Variants in SEZ6L observed in about 807,000 individuals in gnomAD.
SEZ6L encodes the protein seizure related 6 homolog like, also known as seizure 6-like protein.
In SEZ6L, 37 loss-of-function variants were observed where a neutral mutation model predicts 106.2. The ratio of observed to expected loss-of-function variants is 0.35; its 90% confidence interval spans 0.27 to 0.46. The LOEUF (loss-of-function observed/expected upper bound fraction) is 0.46. Ranked by LOEUF, SEZ6L falls within the 20% of genes least tolerant of loss-of-function variation. The pLI is 1.00. For missense variants in SEZ6L, 1,172 were observed against 1,332.8 expected (o/e 0.88, Z 1.88); for synonymous variants, 541 against 570.4 (o/e 0.95, Z 0.73).
At chr22:26,312,113 C>A in intron 8 of SEZ6L, 151 bp downstream of exon 8, 1 of 776,984 alleles carries the variant, frequency 1.3e-6, no homozygotes, top group Non-Finnish European at 2.0e-6. Flanking sequence ...TCCTTTGGTT[C>A]AGGGTTGCTG....
At chr22:26,310,522 GT>G (rs2081787745) in intron 6 of SEZ6L, 147 bp from the exon 7 acceptor site, 2 of 846,086 alleles carry the variant, frequency 2.4e-6, no homozygotes, top group Non-Finnish European at 1.8e-6. Flanking sequence ...GGCAACAAGA[GT>G]GAAACTCTGT....
At chr22:26,231,726 C>T (rs1040934159) in intron 1 of SEZ6L, among the ~76,000 whole-genome samples, 5 of 152,352 alleles carry the variant, frequency 3.3e-5, no homozygotes, top group South Asian at 2.1e-4. Flanking sequence ...CATCTGGCTC[C>T]GCAACTTGGC....
intron 1 of SEZ6L, among the ~76,000 whole-genome samples, chr22:26,202,724 T>G (rs187643041): frequency 3.3e-5 from 5 of 152,298 alleles, no homozygotes. Flanking sequence ...GGTCTGCTAT[T>G]CAATCACAAC....
At chr22:26,257,369 T>C (rs887872570) in intron 1 of SEZ6L, among the ~76,000 whole-genome samples, 2 of 152,192 alleles carry the variant, frequency 1.3e-5, no homozygotes, top group Admixed American at 6.5e-5. Context: ...ATTTAACTTC[T>C]CATTTTACAG....
chr22:26,327,626 A>G (rs561997298), intron 9 of SEZ6L, among the ~76,000 whole-genome samples: 32 of 141,016 alleles, frequency 2.3e-4, no homozygotes, highest in African/African-American at 6.9e-4. Context: ...ATGACACTAA[A>G]CACACACCAC....
chr22:26,269,055 A>C (rs934602249), intron 1 of SEZ6L, among the ~76,000 whole-genome samples: 1 of 152,198 alleles, frequency 6.6e-6, no homozygotes, highest in Non-Finnish European at 1.5e-5. Context: ...TGCACTTGAC[A>C]TGAAAAGGTG....
chr22:26,361,516 AAAAAAT>A (rs1372927251), intron 12 of SEZ6L, among the ~76,000 whole-genome samples: 8 of 136,908 alleles, frequency 5.8e-5, no homozygotes, highest in African/African-American at 2.1e-4. Context: ...CAAAAAAAAA[AAAAAAT>A]ATATATATAT....
chr22:26,279,716 T>C (rs1341964565), intron 1 of SEZ6L, among the ~76,000 whole-genome samples: 1 of 152,174 alleles, frequency 6.6e-6, no homozygotes, highest in Non-Finnish European at 1.5e-5. Context: ...TTCAGAATTA[T>C]AGAACTTCTG....
At chr22:26,343,481 G>A (rs2082910825) in intron 10 of SEZ6L, among the ~76,000 whole-genome samples, 1 of 152,110 alleles carries the variant, frequency 6.6e-6, no homozygotes, top group Admixed American at 6.6e-5. Flanking sequence ...CTTACAGTTG[G>A]CAAGCACTTT....
At chr22:26,352,887 G>A (rs997095814) in intron 12 of SEZ6L, among the ~76,000 whole-genome samples, 3 of 152,144 alleles carry the variant, frequency 2.0e-5, no homozygotes, top group African/African-American at 4.8e-5. Context: ...CCAAGTTCCC[G>A]TGTGCTAGTT....
At chr22:26,258,368 C>T (rs1473606603) in intron 1 of SEZ6L, among the ~76,000 whole-genome samples, 1 of 152,180 alleles carries the variant, frequency 6.6e-6, no homozygotes, top group East Asian at 1.9e-4. Flanking sequence ...AGGGAGTCAT[C>T]ACCCCAGCTG....
chr22:26,348,646 A>AAGAAAAAGAAAG (rs1556371589), intron 11 of SEZ6L, among the ~76,000 whole-genome samples: 16 of 7,684 alleles, frequency 2.1e-3, no homozygotes, highest in East Asian at 0.01. Context: ...GAAAGAAAGA[A>AAGAAAAAGAAAG]AAAGAAAGAA....
chr22:26,344,604 C>A (rs964291264), intron 10 of SEZ6L, among the ~76,000 whole-genome samples: 4 of 152,168 alleles, frequency 2.6e-5, no homozygotes, highest in Non-Finnish European at 2.9e-5. Context: ...TGCATTTGTG[C>A]ATTTCTTTTG....
At chr22:26,348,751 A>G (rs1317158820) in intron 11 of SEZ6L, among the ~76,000 whole-genome samples, 1 of 28,488 alleles carries the variant, frequency 3.5e-5, no homozygotes, top group Non-Finnish European at 6.3e-5. Context: ...AGAAGGGAGG[A>G]AGGGAGGGGG....
intron 1 of SEZ6L, among the ~76,000 whole-genome samples, chr22:26,284,632 A>AAAC (rs2080878039): frequency 2.1e-5 from 3 of 146,192 alleles, no homozygotes; most frequent in Non-Finnish European, 4.5e-5. Flanking sequence ...AAAAAAAAAA[A>AAAC]CCCTAATGAC....
chr22:26,281,779 T>TCCTTAATC (rs1341215412), intron 1 of SEZ6L, among the ~76,000 whole-genome samples: 1 of 152,136 alleles, frequency 6.6e-6, no homozygotes, highest in East Asian at 1.9e-4. Flanking sequence ...GACCAACATC[T>TCCTTAATC]CCTTAATCCT....
In SEZ6L at chr22:26,292,543, G is replaced by C. The variant is rs1262839983; in HGVS notation, c.232G>C (p.Glu78Gln). The C allele has an allele frequency of 6.2e-7, 1 of 1,613,752 alleles. No individual in the cohort carries two copies. The highest frequency in any genetic ancestry group is 1.3e-5 in the African/African-American group (1 of 74,912). The change falls in exon 2 of 17, where the codon GAA (glutamate) becomes CAA (glutamine). Residue 78 changes from glutamate (E) to glutamine (Q), a missense_variant. By Grantham distance (29) the Glu-to-Gln change is conservative (BLOSUM62 2). Transcript: ENST00000248933. ...GCCCCCCAGTTCCTCACAGTCGGCG[G>C]AAGTGCTGGGCGAGCTGGTGCTGGA... ...TAPPSSSQSA[E>Q]VLGELVLDGT...
chr22:26,328,176 T>C (rs1231959253), intron 9 of SEZ6L, among the ~76,000 whole-genome samples: 5 of 152,106 alleles, frequency 3.3e-5, no homozygotes, highest in African/African-American at 7.2e-5. Flanking sequence ...GAGACCCGGG[T>C]TGGGAAGCCT....
intron 1 of SEZ6L, among the ~76,000 whole-genome samples, chr22:26,265,199 G>A (rs2080136878): frequency 6.6e-6 from 1 of 152,038 alleles, no homozygotes; most frequent in Non-Finnish European, 1.5e-5. Flanking sequence ...GGCATAGCTG[G>A]GGCAAGTTTC....
Sources: gnomAD v4.1 joint callset for allele counts (sites outside exome capture counted in the v4.1 genomes callset) on GRCh38, gnomAD v4.1.1 for gene constraint, MANE v1.5 for transcripts, NCBI Gene and HGNC (gene_info 2026-07-23, HGNC 2026-07-21) for gene names.